ABCA1: variants seen among roughly 807,000 people sequenced by gnomAD.
ABCA1 encodes the protein ATP binding cassette subfamily A member 1.
A neutral mutation model predicts 262.5 loss-of-function variants in ABCA1; 133 were observed. That is an observed-to-expected ratio of 0.51 (90% CI 0.44 to 0.59). ABCA1 has a LOEUF of 0.59. ABCA1 is among the 20% of genes least tolerant of loss of function. ABCA1 has a pLI of 0.00. For synonymous variants in ABCA1, 1,022 were observed against 1,043.5 expected, an observed-to-expected ratio of 0.98 and a Z score of 0.40; for missense variants, 2,452 against 2,777.5, an observed-to-expected ratio of 0.88 and a Z score of 2.63.
At chr9:104,865,998 G>A (rs1837056714) in intron 5 of ABCA1, among the ~76,000 whole-genome samples, 1 of 152,146 alleles carries the variant, frequency 6.6e-6, no homozygotes, top group East Asian at 1.9e-4. Flanking sequence ...CCCAAGATGA[G>A]GTTTATCTGT....
chr9:104,791,669 C>A (rs1829438983), intron 43 of ABCA1, among the ~76,000 whole-genome samples: 1 of 152,190 alleles, frequency 6.6e-6, no homozygotes, highest in African/African-American at 2.4e-5. Flanking sequence ...TCGTGATCCG[C>A]CCACCTCGGC....
At chr9:104,825,565 A>G (rs191562599) in intron 17 of ABCA1, 118 bp downstream of exon 17, 54 of 978,670 alleles carry the variant, frequency 5.5e-5, no homozygotes, top group Admixed American at 4.0e-4. Context: ...TCTGTTTACT[A>G]TAGATCTATA....
intron 1 of ABCA1, among the ~76,000 whole-genome samples, chr9:104,919,091 A>G (rs982877577): frequency 6.6e-6 from 1 of 152,060 alleles, no homozygotes; most frequent in Non-Finnish European, 1.5e-5. Context: ...ATTTGTTATG[A>G]TCTCTCAAAC....
intron 49 of ABCA1, among the ~76,000 whole-genome samples, chr9:104,784,796 A>G (rs1828774241): frequency 6.6e-6 from 1 of 152,114 alleles, no homozygotes; most frequent in Admixed American, 6.5e-5. Flanking sequence ...AGTGCGCACC[A>G]CCATGCCCAG....
rs115169715 is a variant in ABCA1 at position 104,825,485 on chromosome 9, T to A, written c.2542+198A>T. ...TTTTGCATGCTGCCTGGCACACAGT[T>A]TTCAAGAAACAAGTGCTGTACAAGT... On this transcript the variant is annotated intron_variant, in intron 17 of 49. Transcript: ENST00000374736. 1,792 of 649,352 alleles carry A rather than the reference T, an allele frequency of 2.8e-3. 26 individuals carry two copies. In the African/African-American group the frequency reaches 0.03, roughly 11 times the overall value. The allele number at this position is 649,352 out of a possible 1,614,324, so 40.2% of individuals were successfully genotyped here.
At chr9:104,818,375 T>C (rs1388151718) in intron 23 of ABCA1, among the ~76,000 whole-genome samples, 1 of 152,206 alleles carries the variant, frequency 6.6e-6, no homozygotes, top group African/African-American at 2.4e-5. Context: ...TCTTACCTCT[T>C]GACAAGTCTC....
intron 27 of ABCA1, among the ~76,000 whole-genome samples, chr9:104,813,556 G>A (rs547125054): frequency 6.6e-5 from 10 of 152,170 alleles, no homozygotes; most frequent in Non-Finnish European, 1.3e-4. Context: ...TGGGATGACA[G>A]GCATGTGCCA....
chr9:104,916,511 T>C (rs1841851184), intron 1 of ABCA1, among the ~76,000 whole-genome samples: 1 of 152,210 alleles, frequency 6.6e-6, no homozygotes, highest in African/African-American at 2.4e-5. Context: ...CAATTTCTTC[T>C]TTCTCTCCTA....
intron 5 of ABCA1, among the ~76,000 whole-genome samples, chr9:104,873,777 TC>T (rs1837855104): frequency 6.6e-6 from 1 of 152,204 alleles, no homozygotes; most frequent in African/African-American, 2.4e-5. Context: ...ACTAAGTGCT[TC>T]CCCTTATTCG....
intron 9 of ABCA1, 29 bp downstream of exon 9, chr9:104,840,250 A>G (rs996723671): frequency 1.9e-6 from 3 of 1,613,852 alleles, no homozygotes; most frequent in Non-Finnish European, 2.5e-6. Flanking sequence ...GGGGTTGGGG[A>G]CAGGGCTGGG....
intron 1 of ABCA1, among the ~76,000 whole-genome samples, chr9:104,908,569 G>A (rs988692304): frequency 2.0e-4 from 31 of 152,172 alleles, no homozygotes; most frequent in African/African-American, 7.2e-4. Context: ...CAGGAGGCAG[G>A]AGAATTGCTT....
chr9:104,837,104 C>A lies in ABCA1; in HGVS notation c.1195-8G>T. 2 of 1,608,918 alleles carry A rather than the reference C, an allele frequency of 1.2e-6. No individual in the cohort carries two copies. Among genetic ancestry groups the A allele is most frequent in the Non-Finnish European group, 1.7e-6 (2 of 1,176,858 alleles). On this transcript the variant is annotated splice_region_variant and splice_polypyrimidine_tract_variant and intron_variant, in intron 10 of 49. Coordinates refer to ENST00000374736, the MANE Select transcript of ABCA1 (RefSeq NM_005502.4). Reference sequence around the variant, plus strand: ...CTGGAAGGTCTTGTTCACCTGGAGTCAGGTGGGGAGCCAGGGACCGCAGAA... The same window carrying A: ...CTGGAAGGTCTTGTTCACCTGGAGTAAGGTGGGGAGCCAGGGACCGCAGAA...
intron 7 of ABCA1, among the ~76,000 whole-genome samples, chr9:104,846,070 T>C (rs996851857): frequency 6.6e-6 from 1 of 152,240 alleles, no homozygotes; most frequent in Admixed American, 6.5e-5. Context: ...GTAGAACACT[T>C]ATTTTTACAT....
chr9:104,917,493 A>G (rs75030337), intron 1 of ABCA1, among the ~76,000 whole-genome samples: 17,101 of 152,162 alleles, frequency 0.11, 1,186 homozygotes, highest in African/African-American at 0.2. Context: ...GGCGGCTCAC[A>G]CCTGTGATTC....
Position 104,884,539 on chromosome 9 carries a change from C to A in ABCA1, c.190G>T (p.Ala64Ser). 1 of 1,614,184 alleles carries A rather than the reference C, an allele frequency of 6.2e-7. No individual in the cohort carries two copies. Among genetic ancestry groups the A allele is most frequent in the Non-Finnish European group, 8.5e-7 (1 of 1,180,024 alleles). ...CHFPNKAMPS[A>S]GTLPWVQGII... ...CCCTGAACCCAAGGAAGTGTTCCTG[C>A]AGAGGGCATGGCTTTATTTGGAAAA... is the stretch of plus-strand genomic sequence containing the variant. The change falls in exon 4 of 50, where the codon GCA becomes TCA. Residue 64 changes from alanine to serine, a missense_variant. By Grantham distance (99) the Ala-to-Ser change is moderately conservative. Transcript: ENST00000374736.
intron 1 of ABCA1, among the ~76,000 whole-genome samples, chr9:104,925,928 A>C (rs925964102): frequency 2.2e-4 from 33 of 152,128 alleles, no homozygotes; most frequent in African/African-American, 7.7e-4. Context: ...AATAGGTTGA[A>C]ATAAAAGGGG....
intron 5 of ABCA1, among the ~76,000 whole-genome samples, chr9:104,862,159 A>G (rs891669968): frequency 6.6e-6 from 1 of 151,398 alleles, no homozygotes; most frequent in Non-Finnish European, 1.5e-5. Flanking sequence ...GTTGGAGTGC[A>G]ATGGTGGAAT....
intron 32 of ABCA1, 32 bp downstream of exon 32, chr9:104,804,594 T>C (rs1199168251): frequency 1.3e-6 from 2 of 1,552,910 alleles, no homozygotes; most frequent in African/African-American, 2.7e-5. Flanking sequence ...TTAGTAATAA[T>C]ACGGCAGGGG....
chr9:104,838,717 T>C (rs1332842541), intron 9 of ABCA1, among the ~76,000 whole-genome samples: 1 of 152,174 alleles, frequency 6.6e-6, no homozygotes, highest in Non-Finnish European at 1.5e-5. Flanking sequence ...TGGGTTTGGT[T>C]ATCCAGCAGG....
Sources: allele counts gnomAD v4.1 joint callset (sites outside exome capture counted in the v4.1 genomes callset), GRCh38; gene constraint gnomAD v4.1.1; transcripts MANE v1.5; gene names NCBI Gene and HGNC (gene_info 2026-07-23, HGNC 2026-07-21).